The following PIK3C2G variants were observed in gnomAD, a reference collection of about 807,000 sequenced individuals.
PIK3C2G encodes phosphatidylinositol 3-kinase C2 domain-containing subunit gamma.
A neutral mutation model predicts 181.1 loss-of-function variants in PIK3C2G; 168 were observed. The observed-to-expected ratio is 0.93, with a 90% CI of 0.82 to 1.05. The LOEUF (loss-of-function observed/expected upper bound fraction) is 1.05, where lower values mean the gene tolerates loss of function less well. PIK3C2G is among the 50% of genes least tolerant of loss of function. The probability of loss-of-function intolerance (pLI) is 0.00; values close to 1 mark genes in which losing one functional copy is unlikely to be tolerated. For missense variants in PIK3C2G, 1,869 were observed against 1,732.8 expected (o/e 1.08, Z -1.40); for synonymous variants, 573 against 592.2 (o/e 0.97, Z 0.47).
chr12:18,661,972 A>G, the PIK3C2G span, among the ~76,000 whole-genome samples: 1 of 152,180 alleles, frequency 6.6e-6, no homozygotes, highest in African/African-American at 2.4e-5. Context: ...TTGCAGAAAC[A>G]TGAATGGAGC....
chr12:18,685,763 C>T, the PIK3C2G span: 2 of 395,328 alleles, frequency 5.1e-6, no homozygotes, highest in Non-Finnish European at 1.0e-5. Context: ...TTTCTTCTTC[C>T]TCCAATCCTA....
In PIK3C2G at chr12:18,262,393, C is replaced by T. The variant is rs192795395; in HGVS notation, c.-79+816C>T. Among the ~76,000 whole-genome samples, 166 of 152,030 alleles carry T rather than the reference C, an allele frequency of 1.1e-3. 2 individuals carry two copies. The highest frequency in any genetic ancestry group is 3.4e-3 in the African/African-American group (139 of 41,480). On this transcript the variant is annotated intron_variant, in intron 1 of 32. Transcript: ENST00000538779. ...CATCTTAGGAAACAGACTCAGAGAG[C>T]GAGGTTAAAGAACACATACCCCTCA...
intron 24 of PIK3C2G, among the ~76,000 whole-genome samples, chr12:18,527,903 C>A (rs539653463): frequency 6.6e-6 from 1 of 152,122 alleles, no homozygotes; most frequent in East Asian, 1.9e-4. Flanking sequence ...TATTGATGAT[C>A]AGGGACTTCC....
At chr12:18,388,676 G>A (rs545076453) in intron 14 of PIK3C2G, among the ~76,000 whole-genome samples, 2 of 152,330 alleles carry the variant, frequency 1.3e-5, no homozygotes, top group African/African-American at 4.8e-5. Context: ...GGCACCTTAT[G>A]GGTATGGTTG....
At chr12:18,348,874 T>G (rs1461415774) in intron 11 of PIK3C2G, among the ~76,000 whole-genome samples, 4 of 152,138 alleles carry the variant, frequency 2.6e-5, no homozygotes, top group Non-Finnish European at 5.9e-5. Flanking sequence ...TCCCATGAGT[T>G]GCAGTCAAAC....
chr12:18,570,746 T>C (rs977617084), intron 29 of PIK3C2G, among the ~76,000 whole-genome samples: 1 of 150,266 alleles, frequency 6.7e-6, no homozygotes, highest in African/African-American at 2.5e-5. Context: ...AGTGTGTGGG[T>C]ATGAGTAGAG....
intron 1 of PIK3C2G, among the ~76,000 whole-genome samples, chr12:18,253,304 C>T (rs78651466): frequency 0.037 from 5,679 of 151,940 alleles, 165 homozygotes; most frequent in Middle Eastern, 0.058. Flanking sequence ...CATATAGTCA[C>T]GGTAGAAGTA....
chr12:18,533,646 C>T (rs1264209371), intron 24 of PIK3C2G, among the ~76,000 whole-genome samples: 1 of 152,032 alleles, frequency 6.6e-6, no homozygotes, highest in Non-Finnish European at 1.5e-5. Context: ...GCTTTTAGAA[C>T]ATTGATTTTT....
Position 18,423,620 on chromosome 12 carries a change from C to T in PIK3C2G, c.2410-325C>T, listed in dbSNP as rs1193201813. On this transcript the variant is annotated intron_variant, in intron 17 of 32. Transcript: ENST00000538779. ...TCCAAATAGGAAAAAATATCTGTGG[C>T]TTAATAATATTGTATTTAATAATCC... 2.6e-5 allele frequency among the ~76,000 whole-genome samples: 4 copies of T among 152,186 alleles called. No individual in the cohort carries two copies. In the East Asian group the frequency reaches 7.7e-4, roughly 29 times the overall value.
At chr12:18,583,834 C>T (rs1946630274) in intron 29 of PIK3C2G, among the ~76,000 whole-genome samples, 2 of 151,648 alleles carry the variant, frequency 1.3e-5, no homozygotes, top group African/African-American at 4.8e-5. Context: ...CAAATGACTG[C>T]ACTAGTTCTC....
At chr12:18,312,614 A>G (rs1236684114) in intron 5 of PIK3C2G, among the ~76,000 whole-genome samples, 1 of 152,112 alleles carries the variant, frequency 6.6e-6, no homozygotes, top group East Asian at 1.9e-4. Context: ...AAGTGAAGAA[A>G]AGCAGTGGCC....
chr12:18,707,474 G>T, the PIK3C2G span, among the ~76,000 whole-genome samples: 1 of 152,000 alleles, frequency 6.6e-6, no homozygotes, highest in South Asian at 2.1e-4. Context: ...TATCTTCCCT[G>T]GCCACATTGA....
chr12:18,371,141 A>T, intron 12 of PIK3C2G, 39 bp from the exon 13 acceptor site: 1 of 1,535,742 alleles, frequency 6.5e-7, no homozygotes, highest in South Asian at 1.2e-5. Context: ...ATATCAGTAC[A>T]ATTGGGTAGG....
At chr12:18,454,390 C>A (rs1239027911) in intron 18 of PIK3C2G, among the ~76,000 whole-genome samples, 1 of 152,038 alleles carries the variant, frequency 6.6e-6, no homozygotes, top group Admixed American at 6.6e-5. Context: ...GGGAATCAGC[C>A]ATGAAGATAT....
At chr12:18,267,526 C>T (rs1948555079) in intron 1 of PIK3C2G, among the ~76,000 whole-genome samples, 1 of 152,110 alleles carries the variant, frequency 6.6e-6, no homozygotes, top group Non-Finnish European at 1.5e-5. Flanking sequence ...CCCAATTACT[C>T]GTCCTTTGAA....
At chr12:18,607,653 T>G (rs1171774425) in intron 30 of PIK3C2G, among the ~76,000 whole-genome samples, 2 of 152,044 alleles carry the variant, frequency 1.3e-5, no homozygotes, top group Non-Finnish European at 2.9e-5. Flanking sequence ...GGACTTCATG[T>G]CTAAAACACC....
At chr12:18,594,288 C>A (rs1947236879) in intron 29 of PIK3C2G, among the ~76,000 whole-genome samples, 1 of 151,938 alleles carries the variant, frequency 6.6e-6, no homozygotes, top group South Asian at 2.1e-4. Flanking sequence ...GTAATCTGAC[C>A]TTCAGTCACA....
At chr12:18,600,202 T>C (rs1947630212) in intron 30 of PIK3C2G, among the ~76,000 whole-genome samples, 1 of 151,982 alleles carries the variant, frequency 6.6e-6, no homozygotes. Flanking sequence ...AATAATGTAG[T>C]TGAAATTCTT....
chr12:18,282,790 T>C (rs1038198987), intron 2 of PIK3C2G, 31 bp downstream of exon 2: 4 of 1,368,992 alleles, frequency 2.9e-6, no homozygotes, highest in Non-Finnish European at 1.0e-6. Context: ...TGTAAAAATA[T>C]GAATCTGAAA....
Sources: allele counts gnomAD v4.1 joint callset (sites outside exome capture counted in the v4.1 genomes callset), GRCh38; gene constraint gnomAD v4.1.1; transcripts MANE v1.5; gene names NCBI Gene and HGNC (gene_info 2026-07-23, HGNC 2026-07-21).